The following NSMCE2 variants were observed in gnomAD, a reference collection of about 807,000 sequenced individuals.
The protein encoded by NSMCE2 is NSE2 SUMO ligase component of SMC5/6 complex, also known as E3 SUMO-protein ligase NSE2.
A neutral mutation model predicts 23.8 loss-of-function variants in NSMCE2; 24 were observed. The ratio of observed to expected loss-of-function variants is 1.01; its 90% CI spans 0.73 to 1.42. The LOEUF (loss-of-function observed/expected upper bound fraction) is 1.42. Ranked by LOEUF, NSMCE2 falls within the 40% of genes most tolerant of loss-of-function variation. The pLI, the probability that NSMCE2 is intolerant of heterozygous loss-of-function variation, is 0.00. For synonymous variants in NSMCE2, 92 were observed against 94.1 expected (o/e 0.98, Z 0.13); for missense variants, 284 against 296.5 (o/e 0.96, Z 0.31).
intron 4 of NSMCE2, among the ~76,000 whole-genome samples, chr8:125,163,592 G>C (rs1401168420): frequency 6.6e-6 from 1 of 152,200 alleles, no homozygotes; most frequent in East Asian, 1.9e-4. Context: ...CGAGATTGTA[G>C]ATAGGAATGT....
intron 4 of NSMCE2, among the ~76,000 whole-genome samples, chr8:125,180,043 C>T (rs1056791644): frequency 7.2e-5 from 11 of 152,146 alleles, no homozygotes; most frequent in Admixed American, 4.6e-4. Context: ...CCAGAAAGAG[C>T]GCCTATAATC....
chr8:125,214,815 C>T (rs1200323337), intron 5 of NSMCE2, among the ~76,000 whole-genome samples: 4 of 152,004 alleles, frequency 2.6e-5, no homozygotes, highest in African/African-American at 4.8e-5. Context: ...GGTGGGTGTT[C>T]GTGTATTAAC....
At chr8:125,113,481 A>G (rs1283910860) in intron 3 of NSMCE2, among the ~76,000 whole-genome samples, 1 of 152,130 alleles carries the variant, frequency 6.6e-6, no homozygotes, top group African/African-American at 2.4e-5. Context: ...CCCTGTCTCT[A>G]AAAAATAAAT....
rs1159369296 is a variant in NSMCE2, at chr8:125,317,739, A to G, written c.419-39480A>G. Reference sequence around the variant, plus strand: ...TTCACTTGTTAATTATGCATTTGAGATATAAAGCCTTGCTAATGTCATGTA... The same window carrying G: ...TTCACTTGTTAATTATGCATTTGAGGTATAAAGCCTTGCTAATGTCATGTA... On this transcript the variant is annotated intron_variant, in intron 5 of 7. Coordinates refer to ENST00000287437, the MANE Select transcript of NSMCE2 (RefSeq NM_173685.4). Among the ~76,000 whole-genome samples the G allele has an allele frequency of 1.3e-5, 2 of 152,238 alleles. 1 individual carries two copies. Among genetic ancestry groups the G allele is most frequent in the Non-Finnish European group, 2.9e-5 (2 of 68,032 alleles).
chr8:125,247,704 A>G (rs2131001250), intron 5 of NSMCE2, among the ~76,000 whole-genome samples: 1 of 151,408 alleles, frequency 6.6e-6, no homozygotes, highest in East Asian at 1.9e-4. Flanking sequence ...CCACTGGACA[A>G]CAAGAGCAAA....
chr8:125,293,778 A>C (rs560051788), intron 5 of NSMCE2, among the ~76,000 whole-genome samples: 7 of 152,192 alleles, frequency 4.6e-5, no homozygotes, highest in Middle Eastern at 3.2e-3. Flanking sequence ...TGATGTGCTA[A>C]TATTCTTCTT....
chr8:125,318,522 G>A (rs1486315003), intron 5 of NSMCE2, among the ~76,000 whole-genome samples: 1 of 152,170 alleles, frequency 6.6e-6, no homozygotes, highest in Non-Finnish European at 1.5e-5. Context: ...TATTCAACAT[G>A]TAAGTCCACA....
intron 3 of NSMCE2, among the ~76,000 whole-genome samples, chr8:125,148,804 GA>G (rs1820821721): frequency 6.6e-6 from 1 of 151,924 alleles, no homozygotes; most frequent in African/African-American, 2.4e-5. Flanking sequence ...ATTTTAAATG[GA>G]AAAAAATAAA....
chr8:125,142,779 T>G (rs555717358), intron 3 of NSMCE2, among the ~76,000 whole-genome samples: 7 of 143,480 alleles, frequency 4.9e-5, no homozygotes, highest in Middle Eastern at 3.2e-3. Flanking sequence ...TAATTTTGTA[T>G]TTTTAGTAGA....
At position 125,180,675 on chromosome 8, in the gene NSMCE2, T is replaced by A. The variant is rs566175717; in HGVS notation, c.265-1428T>A. The stretch of plus-strand genomic sequence containing the variant: ...CCTCTGACTAGTTGGATGTAGAAGA[T>A]AAGTCATTTGACTTCTTTCTAAATC... On this transcript the variant is annotated intron_variant, in intron 4 of 7. Transcript: ENST00000287437. Among the ~76,000 whole-genome samples, 7 of 152,356 alleles carry A rather than the reference T, an allele frequency of 4.6e-5. No homozygotes were observed. The South Asian group carries it at 1.4e-3, about 32-fold the overall frequency.
intron 4 of NSMCE2, among the ~76,000 whole-genome samples, chr8:125,157,114 C>G (rs970136884): frequency 3.9e-5 from 6 of 152,098 alleles, no homozygotes; most frequent in African/African-American, 1.4e-4. Context: ...CATTGTGAAT[C>G]ATTGACAAAA....
At chr8:125,297,479 C>A (rs1828375438) in intron 5 of NSMCE2, among the ~76,000 whole-genome samples, 1 of 152,146 alleles carries the variant, frequency 6.6e-6, no homozygotes, top group African/African-American at 2.4e-5. Flanking sequence ...ATGTTGTCTT[C>A]TTTAAGGCCT....
chr8:125,112,718 G>A (rs1408631571), intron 3 of NSMCE2, among the ~76,000 whole-genome samples: 2 of 152,160 alleles, frequency 1.3e-5, no homozygotes. Context: ...AGAGTAGAAT[G>A]ATGGTTACCA....
intron 5 of NSMCE2, among the ~76,000 whole-genome samples, chr8:125,277,653 C>A (rs1488708901): frequency 2.6e-5 from 4 of 152,060 alleles, no homozygotes; most frequent in Admixed American, 2.6e-4. Flanking sequence ...ACTACAGGCA[C>A]CCGCCACCAC....
intron 5 of NSMCE2, among the ~76,000 whole-genome samples, chr8:125,301,328 C>T (rs1323791823): frequency 6.6e-6 from 1 of 152,178 alleles, no homozygotes; most frequent in Non-Finnish European, 1.5e-5. Flanking sequence ...CGAGGTTTCC[C>T]TGGCCAAAGG....
At chr8:125,271,069 G>A (rs1050340338) in intron 5 of NSMCE2, among the ~76,000 whole-genome samples, 4 of 152,052 alleles carry the variant, frequency 2.6e-5, no homozygotes, top group African/African-American at 9.7e-5. Context: ...AGACCAGCCT[G>A]AACAACATAG....
At chr8:125,333,756 G>A (rs569214841) in intron 5 of NSMCE2, among the ~76,000 whole-genome samples, 26 of 151,768 alleles carry the variant, frequency 1.7e-4, no homozygotes, top group Admixed American at 8.5e-4. Flanking sequence ...CTCGTGATCC[G>A]CCCGCCTCGG....
At chr8:125,326,611 CATATATGTGCATATTCTTTTATAAGTTT>C (rs372790815) in intron 5 of NSMCE2, among the ~76,000 whole-genome samples, 1,935 of 152,084 alleles carry the variant, frequency 0.013, 11 homozygotes, top group Middle Eastern at 0.024. Context: ...TTTTGAAAAC[CATATATGTGCATATTCTTTTATAAGTTT>C]AAAAAAAAGA....
At chr8:125,295,419 A>T (rs889353858) in intron 5 of NSMCE2, among the ~76,000 whole-genome samples, 1 of 152,200 alleles carries the variant, frequency 6.6e-6, no homozygotes, top group African/African-American at 2.4e-5. Flanking sequence ...AATTCAGAGG[A>T]TGCTTTCTTC....
Sources: allele counts gnomAD v4.1 joint callset (sites outside exome capture counted in the v4.1 genomes callset), GRCh38; gene constraint gnomAD v4.1.1; transcripts MANE v1.5; gene names NCBI Gene and HGNC (gene_info 2026-07-23, HGNC 2026-07-21).